Variants in GUCY2C observed in about 807,000 individuals in gnomAD.
GUCY2C encodes guanylyl cyclase C.
In GUCY2C, 118 loss-of-function variants were observed where a neutral mutation model predicts 131.1. The observed-to-expected ratio is 0.90, with a 90% CI of 0.78 to 1.05. The LOEUF is 1.05. Ranked by LOEUF, GUCY2C falls within the 50% of genes least tolerant of loss-of-function variation. The pLI is 0.00. For synonymous variants in GUCY2C, 452 were observed against 457.8 expected (o/e 0.99, Z 0.16); for missense variants, 1,161 against 1,304.4 (o/e 0.89, Z 1.69).
intron 10 of GUCY2C, among the ~76,000 whole-genome samples, chr12:14,663,870 C>T (rs1349922743): frequency 6.6e-6 from 1 of 152,098 alleles, no homozygotes; most frequent in Non-Finnish European, 1.5e-5. Context: ...TGAGAAGAGG[C>T]AAGGAGAAGG....
intron 8 of GUCY2C, chr12:14,674,344 G>A: frequency 2.2e-6 from 1 of 448,476 alleles, no homozygotes; most frequent in Non-Finnish European, 4.1e-6. Flanking sequence ...GGACATTACT[G>A]CTCAAAATGC....
chr12:14,621,279 G>A (rs1380890074), intron 22 of GUCY2C, 63 bp from the exon 23 acceptor site: 2 of 1,382,562 alleles, frequency 1.4e-6, no homozygotes. Flanking sequence ...GTAAACAGAA[G>A]CAGTTAATCA....
chr12:14,631,246 T>C (rs1172233685), intron 19 of GUCY2C, among the ~76,000 whole-genome samples: 1 of 152,202 alleles, frequency 6.6e-6, no homozygotes, highest in Non-Finnish European at 1.5e-5. Flanking sequence ...TTATTTTTAT[T>C]ATACTTTAAG....
intron 9 of GUCY2C, among the ~76,000 whole-genome samples, chr12:14,671,139 A>G (rs1948099330): frequency 2.0e-5 from 3 of 152,062 alleles, no homozygotes; most frequent in Admixed American, 2.0e-4. Context: ...CAGCCAAACT[A>G]TATCAGTGAC....
Position 14,676,881 on chromosome 12 carries a change from AT to A in GUCY2C, c.920del (p.Asn307IlefsTer20). ...LTLSPGNSLLNSSFSRNLSPT... is the reference protein window; with the variant it reads ...LTLSPGNSLLXSSFSRNLSPT... ...GTGATAGATTCCTGGAGAAAGAGCT[AT>A]TTAGAAGGGAATTCCCAGGAGACAG... On this transcript the variant is annotated frameshift_variant, in exon 7 of 27. Transcript: ENST00000261170. LOFTEE classifies it high-confidence loss of function. The A allele has an allele frequency of 6.6e-7, 1 of 1,504,566 alleles. No individual in the cohort carries two copies. Among genetic ancestry groups the A allele is most frequent in the Non-Finnish European group, 9.1e-7 (1 of 1,095,412 alleles). 93.2% of individuals were successfully genotyped at this position (1,504,566 alleles called of 1,614,324 possible). A position where few individuals can be genotyped will look rare whatever the true frequency, so the allele number is the denominator to read the frequency against.
intron 19 of GUCY2C, among the ~76,000 whole-genome samples, chr12:14,630,392 C>T (rs968050488): frequency 1.3e-5 from 2 of 152,110 alleles, no homozygotes; most frequent in African/African-American, 4.8e-5. Flanking sequence ...ATACTGTCAG[C>T]CCTCTGTCTC....
At chr12:14,677,253 T>C (rs1332292969) in intron 6 of GUCY2C, among the ~76,000 whole-genome samples, 2 of 152,186 alleles carry the variant, frequency 1.3e-5, no homozygotes, top group East Asian at 1.9e-4. Context: ...GCTATGGACA[T>C]GTGAGCTCAT....
chr12:14,654,418 A>G (rs1311918791), intron 12 of GUCY2C, among the ~76,000 whole-genome samples: 1 of 152,094 alleles, frequency 6.6e-6, no homozygotes. Context: ...TGTACAGCCA[A>G]TTTCTGATCC....
intron 5 of GUCY2C, among the ~76,000 whole-genome samples, chr12:14,680,955 C>G (rs747375179): frequency 3.9e-5 from 6 of 152,172 alleles, no homozygotes; most frequent in African/African-American, 7.2e-5. Context: ...TCAATAAATT[C>G]ATCCTCTTGG....
At chr12:14,683,990 C>T (rs541931463) in intron 3 of GUCY2C, among the ~76,000 whole-genome samples, 1 of 152,218 alleles carries the variant, frequency 6.6e-6, no homozygotes, top group African/African-American at 2.4e-5. Context: ...TGCAGTTATC[C>T]TCCCTTTCTA....
chr12:14,633,995 A>G (rs752077992), intron 19 of GUCY2C, among the ~76,000 whole-genome samples: 23 of 152,246 alleles, frequency 1.5e-4, no homozygotes, highest in Non-Finnish European at 5.9e-5. Context: ...CCCATTTAAC[A>G]AAATAATAGC....
At chr12:14,689,577 CT>C (rs1948539112) in intron 1 of GUCY2C, among the ~76,000 whole-genome samples, 1 of 152,172 alleles carries the variant, frequency 6.6e-6, no homozygotes, top group African/African-American at 2.4e-5. Context: ...GAGACAAAAG[CT>C]TTATTGAGTT....
At chr12:14,629,254 C>G (rs7960049) in intron 19 of GUCY2C, among the ~76,000 whole-genome samples, 150,543 of 152,206 alleles carry the variant, frequency 0.99, 74,463 homozygotes, top group Middle Eastern at 1. Context: ...GATTAAACAA[C>G]TTTTATTGGG....
At chr12:14,632,751 C>T (rs1297322207) in intron 19 of GUCY2C, among the ~76,000 whole-genome samples, 1 of 152,182 alleles carries the variant, frequency 6.6e-6, no homozygotes, top group East Asian at 1.9e-4. Context: ...AGGACAGGTC[C>T]ACCTGGCTCA....
chr12:14,681,768 T>C (rs1948352775), intron 4 of GUCY2C, among the ~76,000 whole-genome samples: 1 of 152,178 alleles, frequency 6.6e-6, no homozygotes, highest in Non-Finnish European at 1.5e-5. Flanking sequence ...ATATGTGGCT[T>C]GGTTACTTTG....
rs74336632 is a variant in GUCY2C at position 14,652,880 on chromosome 12, G to T, written c.1533+72C>A. The stretch of plus-strand genomic sequence containing the variant: ...CACCATTGTGATACTGACATCAGGG[G>T]CCAGGGCAATGAGGGGTCAAAAGGC... On this transcript the variant is annotated intron_variant, in intron 13 of 26. Coordinates refer to ENST00000261170, the MANE Select transcript of GUCY2C (RefSeq NM_004963.4). 0.01 allele frequency: 9,587 copies of T among 956,006 alleles called. 550 individuals are homozygous for T. The African/African-American group carries it at 0.13, about 13-fold the overall frequency. 59.2% of individuals were successfully genotyped at this position (956,006 alleles called of 1,614,324 possible).
chr12:14,681,854 G>A (rs1458801836), intron 4 of GUCY2C, among the ~76,000 whole-genome samples: 1 of 152,136 alleles, frequency 6.6e-6, no homozygotes, highest in Non-Finnish European at 1.5e-5. Context: ...GCAGGAAGAG[G>A]GTTCTGCTCT....
rs1297206844 is a variant in GUCY2C, at chr12:14,687,972, G to A, written c.309C>T (p.Leu103=). Reference sequence around the variant, plus strand: ...TTACTGAAATTTTCCTGAGTAGGTCGAGGCCTTCACAGGTGCTACTCCGGC... The same window carrying A: ...TTACTGAAATTTTCCTGAGTAGGTCAAGGCCTTCACAGGTGCTACTCCGGC... ...GDCRSSTCEG[L]DLLRKISNAQ... is the part of the protein sequence containing the mutation. The change falls in exon 2 of 27, where the codon CTC becomes CTT. Residue 103 remains leucine, a synonymous_variant. Coordinates refer to ENST00000261170, the MANE Select transcript of GUCY2C (RefSeq NM_004963.4). The A allele has an allele frequency of 4.4e-6, 7 of 1,608,682 alleles. No individual in the cohort carries two copies. The highest frequency in any genetic ancestry group is 5.1e-6 in the Non-Finnish European group (6 of 1,175,044).
intron 1 of GUCY2C, among the ~76,000 whole-genome samples, chr12:14,691,168 T>C (rs949711463): frequency 6.6e-6 from 1 of 152,224 alleles, no homozygotes; most frequent in African/African-American, 2.4e-5. Flanking sequence ...CCAACTTTGC[T>C]TTTTTAAGTT....
Sources: allele counts gnomAD v4.1 joint callset (sites outside exome capture counted in the v4.1 genomes callset), GRCh38; gene constraint gnomAD v4.1.1; transcripts MANE v1.5; gene names NCBI Gene and HGNC (gene_info 2026-07-23, HGNC 2026-07-21).